The following ZMYM2 variants were observed in gnomAD, a reference collection of about 807,000 sequenced individuals.
The protein encoded by ZMYM2 is zinc finger MYM-type protein 2.
Under a neutral mutation model 162.8 loss-of-function variants are expected in ZMYM2, and 56 were observed. That is an observed-to-expected ratio of 0.34 (90% CI 0.28 to 0.43). The LOEUF (loss-of-function observed/expected upper bound fraction) is 0.43. Ranked by LOEUF, ZMYM2 falls within the 20% of genes least tolerant of loss-of-function variation. The pLI, the probability that ZMYM2 is intolerant of heterozygous loss-of-function variation, is 1.00. For synonymous variants in ZMYM2, 510 were observed against 541.6 expected (o/e 0.94, Z 0.81); for missense variants, 1,275 against 1,621.8 (o/e 0.79, Z 3.67).
chr13:20,010,068 G>T (rs1423964996), intron 6 of ZMYM2, among the ~76,000 whole-genome samples: 1 of 152,072 alleles, frequency 6.6e-6, no homozygotes, highest in Non-Finnish European at 1.5e-5. Context: ...GCCAACACTT[G>T]TTATTTTCCA....
At position 19,993,187 on chromosome 13, in the gene ZMYM2, G is replaced by C; in HGVS notation, c.115G>C (p.Ala39Pro). The change falls in exon 3 of 25, where the codon GCT becomes CCT. Residue 39 changes from alanine to proline, a missense_variant. By Grantham distance (27) the Ala-to-Pro change is conservative. This residue lies in a region of ZMYM2 where 295 missense variants were observed against 286.7 expected (regional missense o/e 1.03). Coordinates refer to ENST00000610343, the MANE Select transcript of ZMYM2 (RefSeq NM_197968.4). ...TGTAGGAAACTCATTTAGTGGTCCA[G>C]CTAATCCTTTAGTGTCTAGATCTAA... is the stretch of plus-strand genomic sequence containing the variant. ...TNVGNSFSGP[A>P]NPLVSRSNKF... 1 of 1,614,098 alleles carries C rather than the reference G, an allele frequency of 6.2e-7. No homozygotes were observed. The highest frequency in any genetic ancestry group is 1.3e-5 in the African/African-American group (1 of 75,028).
At chr13:19,957,535 G>A (rs1392112760), upstream of ZMYM2, among the ~76,000 whole-genome samples, 2 of 152,222 alleles carry the variant, frequency 1.3e-5, no homozygotes, top group African/African-American at 2.4e-5. Flanking sequence ...CCTCGTGGAG[G>A]TGGCCTGTGG....
the ZMYM2 span, among the ~76,000 whole-genome samples, chr13:19,899,816 CAAAAA>C: frequency 2.2e-4 from 14 of 64,980 alleles, no homozygotes; most frequent in Non-Finnish European, 2.9e-4. Flanking sequence ...GACTCTGACT[CAAAAA>C]AAAAAAAAAA....
chr13:19,982,281 CTT>C (rs56165263), intron 2 of ZMYM2, among the ~76,000 whole-genome samples: 3 of 86,254 alleles, frequency 3.5e-5, no homozygotes, highest in African/African-American at 7.7e-5. Context: ...TATTAGCTGT[CTT>C]TTTTTTTTTT....
intron 21 of ZMYM2, among the ~76,000 whole-genome samples, chr13:20,078,417 G>A (rs1957668558): frequency 6.6e-6 from 1 of 152,124 alleles, no homozygotes; most frequent in South Asian, 2.1e-4. Flanking sequence ...TTTGCACACA[G>A]TGTTTCTTGC....
At chr13:19,921,711 T>C in the ZMYM2 span, among the ~76,000 whole-genome samples, 1 of 152,184 alleles carries the variant, frequency 6.6e-6, no homozygotes, top group Non-Finnish European at 1.5e-5. Flanking sequence ...TGTTTTTCTT[T>C]TCAAATTTAG....
chr13:19,901,262 C>T, the ZMYM2 span, among the ~76,000 whole-genome samples: 21 of 152,176 alleles, frequency 1.4e-4, no homozygotes, highest in Non-Finnish European at 8.8e-5. Context: ...TATGACCCAG[C>T]AGTCCCACTT....
intron 15 of ZMYM2, among the ~76,000 whole-genome samples, 200 bp from the exon 16 acceptor site, chr13:20,059,247 G>A (rs1956049910): frequency 6.7e-6 from 1 of 149,174 alleles, no homozygotes; most frequent in African/African-American, 2.5e-5. Context: ...AATTCTATTT[G>A]TATTTTCTGT....
chr13:20,069,906 A>G (rs1956953599), intron 21 of ZMYM2, among the ~76,000 whole-genome samples: 1 of 152,032 alleles, frequency 6.6e-6, no homozygotes, highest in African/African-American at 2.4e-5. Context: ...GGTATCTCAA[A>G]ATCCTTTACA....
At chr13:19,998,945 A>G (rs2139837460) in intron 3 of ZMYM2, among the ~76,000 whole-genome samples, 1 of 152,344 alleles carries the variant, frequency 6.6e-6, no homozygotes, top group South Asian at 2.1e-4. Flanking sequence ...GAGAGACCAG[A>G]GTAGTAGAAA....
At chr13:19,976,505 G>C (rs1438111766) in intron 2 of ZMYM2, among the ~76,000 whole-genome samples, 1 of 151,970 alleles carries the variant, frequency 6.6e-6, no homozygotes, top group East Asian at 1.9e-4. Context: ...TCACACAGGA[G>C]ATCTCCAGAC....
intron 2 of ZMYM2, among the ~76,000 whole-genome samples, chr13:19,988,085 A>T (rs1360929641): frequency 6.6e-6 from 1 of 152,248 alleles, no homozygotes; most frequent in Admixed American, 6.5e-5. Flanking sequence ...GACCTTGGGC[A>T]GTTTTAATTA....
rs1033359247 is a variant in ZMYM2, at chr13:20,064,432, G to A, written c.3038-19G>A. On this transcript the variant is annotated intron_variant, in intron 18 of 24. Coordinates refer to ENST00000610343, the MANE Select transcript of ZMYM2 (RefSeq NM_197968.4). The stretch of plus-strand genomic sequence containing the variant: ...CTGTGCTATTTCATTTAAAATAAAA[G>A]TTCTGATTTGGTTGTCAGCTGCTGA... 5.1e-6 allele frequency: 8 copies of A among 1,568,928 alleles called. No homozygotes were observed. The East Asian group carries it at 6.9e-5, about 14-fold the overall frequency.
chr13:19,884,257 C>T, the ZMYM2 span, among the ~76,000 whole-genome samples: 2 of 152,174 alleles, frequency 1.3e-5, no homozygotes, highest in South Asian at 2.1e-4. Context: ...AGTATTTATC[C>T]CTTCTGGTAG....
chr13:19,915,352 C>T, the ZMYM2 span, among the ~76,000 whole-genome samples: 4 of 152,170 alleles, frequency 2.6e-5, no homozygotes, highest in Admixed American at 1.3e-4. Context: ...ACCTCAGCCT[C>T]CCAAAGTGCT....
At chr13:20,081,977 C>A in intron 21 of ZMYM2, 39 bp from the exon 22 acceptor site, 1 of 1,331,526 alleles carries the variant, frequency 7.5e-7, no homozygotes, top group Non-Finnish European at 1.0e-6. Flanking sequence ...AGCTGATTTT[C>A]TTTCAAGAAA....
chr13:19,937,456 CTTT>C, the ZMYM2 span, among the ~76,000 whole-genome samples: 11 of 105,110 alleles, frequency 1.0e-4, no homozygotes, highest in Admixed American at 2.0e-4. Flanking sequence ...TAGTATTCCT[CTTT>C]TTTTTTTTTT....
At chr13:19,948,642 G>A in the ZMYM2 span, among the ~76,000 whole-genome samples, 203 of 152,310 alleles carry the variant, frequency 1.3e-3, 2 homozygotes, top group African/African-American at 4.5e-3. Context: ...ACACCAAGAT[G>A]TAAAACCAAG....
At chr13:19,969,320 G>A (rs1420588886) in intron 2 of ZMYM2, among the ~76,000 whole-genome samples, 1 of 152,206 alleles carries the variant, frequency 6.6e-6, no homozygotes, top group African/African-American at 2.4e-5. Context: ...AGTTCTAGCT[G>A]ATGGGAAGAT....
Sources: allele counts gnomAD v4.1 joint callset (sites outside exome capture counted in the v4.1 genomes callset), GRCh38; gene constraint gnomAD v4.1.1; regional missense constraint gnomAD v4.1.1; transcripts MANE v1.5; gene names NCBI Gene and HGNC (gene_info 2026-07-23, HGNC 2026-07-21).